Variants in SLC15A2 observed in about 807,000 individuals in gnomAD.
SLC15A2 encodes solute carrier family 15 member 2.
A neutral mutation model predicts 95.5 loss-of-function variants in SLC15A2; 77 were observed. The ratio of observed to expected loss-of-function variants is 0.81; its 90% CI spans 0.67 to 0.97. The LOEUF (loss-of-function observed/expected upper bound fraction) is 0.97, where lower values mean the gene tolerates loss of function less well. Ranked by LOEUF, SLC15A2 falls within the 50% of genes least tolerant of loss-of-function variation. The pLI is 0.00. For synonymous variants in SLC15A2, 306 were observed against 306.9 expected (o/e 1.00, Z 0.03); for missense variants, 893 against 874.4 (o/e 1.02, Z -0.27).
chr3:121,907,748 T>G (rs1709682420), intron 3 of SLC15A2, among the ~76,000 whole-genome samples: 1 of 152,168 alleles, frequency 6.6e-6, no homozygotes. Flanking sequence ...TCTGGAAACT[T>G]CGTCCCAGAG....
intron 13 of SLC15A2, among the ~76,000 whole-genome samples, chr3:121,926,430 G>A (rs1710123360): frequency 6.6e-6 from 1 of 152,132 alleles, no homozygotes; most frequent in South Asian, 2.1e-4. Flanking sequence ...TTCACCATGT[G>A]ACATGTCTGT....
chr3:121,895,610 G>A (rs1005522996), intron 1 of SLC15A2, among the ~76,000 whole-genome samples: 1 of 152,132 alleles, frequency 6.6e-6, no homozygotes, highest in African/African-American at 2.4e-5. Context: ...TACAAGATTT[G>A]ACTGTACTGA....
rs1710043664 is a variant in SLC15A2 at position 121,923,203 on chromosome 3, C to G, written c.958-19C>G. Reference sequence around the variant, plus strand: ...CTCACAGGAAAGGGATTTCTCATAACAGGATCTGTTTGCCCTAGGGTTCAC... The same window carrying G: ...CTCACAGGAAAGGGATTTCTCATAAGAGGATCTGTTTGCCCTAGGGTTCAC... On this transcript the variant is annotated intron_variant, in intron 10 of 21. Coordinates refer to ENST00000489711, the MANE Select transcript of SLC15A2 (RefSeq NM_021082.4). The G allele has an allele frequency of 6.2e-7, 1 of 1,613,834 alleles. No individual in the cohort carries two copies. Among genetic ancestry groups the G allele is most frequent in the Non-Finnish European group, 8.5e-7 (1 of 1,179,844 alleles).
chr3:121,902,804 G>A (rs547876767), intron 3 of SLC15A2, among the ~76,000 whole-genome samples: 5 of 152,324 alleles, frequency 3.3e-5, no homozygotes, highest in East Asian at 3.9e-4. Flanking sequence ...ATTGTGAATA[G>A]TGCTGCAGTA....
intron 3 of SLC15A2, among the ~76,000 whole-genome samples, chr3:121,899,691 T>C (rs760381318): frequency 6.6e-6 from 1 of 152,200 alleles, no homozygotes; most frequent in Non-Finnish European, 1.5e-5. Flanking sequence ...GAGCACCTTC[T>C]GTTTGTCCAA....
intron 13 of SLC15A2, among the ~76,000 whole-genome samples, chr3:121,926,590 C>T (rs575580887): frequency 3.9e-5 from 6 of 152,296 alleles, no homozygotes; most frequent in South Asian, 4.1e-4. Context: ...ATGCAGAAAC[C>T]GGCTGCAGGG....
chr3:121,904,109 G>A (rs192038913), intron 3 of SLC15A2, among the ~76,000 whole-genome samples: 2 of 152,190 alleles, frequency 1.3e-5, no homozygotes, highest in Admixed American at 1.3e-4. Flanking sequence ...TCTCTTTGTA[G>A]CAATTGTGGA....
At chr3:121,901,602 G>C (rs2178415) in intron 3 of SLC15A2, among the ~76,000 whole-genome samples, 2 of 151,774 alleles carry the variant, frequency 1.3e-5, no homozygotes, top group East Asian at 1.9e-4. Flanking sequence ...GTGTGTGTGC[G>C]TGTGCATGTG....
intron 6 of SLC15A2, 98 bp from the exon 7 acceptor site, chr3:121,915,518 A>T: frequency 1.0e-6 from 1 of 965,410 alleles, no homozygotes; most frequent in Non-Finnish European, 1.7e-6. Flanking sequence ...TGTCTATTCT[A>T]CAAGCTCAGG....
At chr3:121,907,201 A>G (rs1233679372) in intron 3 of SLC15A2, among the ~76,000 whole-genome samples, 5 of 152,152 alleles carry the variant, frequency 3.3e-5, no homozygotes, top group Non-Finnish European at 1.5e-5. Context: ...CAGCTCCATC[A>G]GGTCATTTAA....
Position 121,928,544 on chromosome 3 carries a change from A to G in SLC15A2, c.1330A>G (p.Lys444Glu). 6.2e-7 allele frequency: 1 copy of G among 1,614,096 alleles called. No individual in the cohort carries two copies. The highest frequency in any genetic ancestry group is 1.1e-5 in the South Asian group (1 of 91,074). ...CAATTCTCTGTTGATAGAGTCCATCAAATCCTTTCAGGTGAGGTGTGTACC... is the reference window on the plus strand; with the variant it reads ...CAATTCTCTGTTGATAGAGTCCATCGAATCCTTTCAGGTGAGGTGTGTACC... ...ENNSLLIESI[K>E]SFQKTPHYSK... Residue 444 changes from lysine (K) to glutamate (E), a missense_variant, in exon 15 of 22, where the codon AAA becomes GAA. Coordinates refer to ENST00000489711, the MANE Select transcript of SLC15A2 (RefSeq NM_021082.4).
In SLC15A2 at chr3:121,907,240, A is replaced by G. The variant is rs530319618; in HGVS notation, c.336-4334A>G. 2.6e-5 allele frequency among the ~76,000 whole-genome samples: 4 copies of G among 152,274 alleles called. No homozygotes were observed. In the East Asian group the frequency reaches 7.7e-4, roughly 29 times the overall value. ...CTTCTCTGCAGTGTTTATTCTAGTT[A>G]GCCATTCATCTAATCTTTTTTCAAG... On this transcript the variant is annotated intron_variant, in intron 3 of 21. Coordinates refer to ENST00000489711, the MANE Select transcript of SLC15A2 (RefSeq NM_021082.4).
intron 3 of SLC15A2, among the ~76,000 whole-genome samples, chr3:121,909,513 A>T (rs9289182): frequency 0.42 from 63,872 of 151,990 alleles, 13,899 homozygotes; most frequent in East Asian, 0.69. Flanking sequence ...CAAATGCAGA[A>T]TTTTCAGGTC....
Position 121,928,451 on chromosome 3 carries a change from G to C in SLC15A2, c.1237G>C (p.Glu413Gln), listed in dbSNP as rs745366911. The part of the protein sequence containing the change: ...EMAPAQPGPQ[E>Q]VFLQVLNLAD... Reference sequence around the variant, plus strand: ...GGCCCCAGCCCAGCCAGGTCCCCAGGAGGTTTTCCTACAAGTCTTGAATCT... The same window carrying C: ...GGCCCCAGCCCAGCCAGGTCCCCAGCAGGTTTTCCTACAAGTCTTGAATCT... The change falls in exon 15 of 22, where the codon GAG becomes CAG. Residue 413 changes from glutamate to glutamine, a missense_variant. Coordinates refer to ENST00000489711, the MANE Select transcript of SLC15A2 (RefSeq NM_021082.4). 2.5e-6 allele frequency: 4 copies of C among 1,614,088 alleles called. No individual in the cohort carries two copies. The South Asian group carries it at 3.3e-5, about 13-fold the overall frequency.
chr3:121,900,752 C>T (rs1236042374), intron 3 of SLC15A2, among the ~76,000 whole-genome samples: 5 of 152,050 alleles, frequency 3.3e-5, no homozygotes, highest in Admixed American at 1.3e-4. Context: ...ACCACCTATG[C>T]TATGGAGTAT....
intron 18 of SLC15A2, 106 bp from the exon 19 acceptor site, chr3:121,931,533 C>T (rs1208289604): frequency 7.8e-6 from 5 of 642,392 alleles, no homozygotes; most frequent in Non-Finnish European, 1.4e-5. Flanking sequence ...AGTGGCTTCA[C>T]TGCTTTCCTC....
At position 121,944,011 on chromosome 3, in the gene SLC15A2, A is replaced by T. The variant is rs1217391993; in HGVS notation, c.*3004A>T. On this transcript the variant is annotated 3_prime_UTR_variant, in exon 22 of 22. Transcript: ENST00000489711. The stretch of plus-strand genomic sequence containing the variant: ...ATATCTGTTATGTATCAATTTTTTA[A>T]AAAGTGAATGACATAATTCATTTGA... 1.3e-5 allele frequency: 2 copies of T among 152,192 alleles called. No homozygotes were observed. The highest frequency in any genetic ancestry group is 2.9e-5 in the Non-Finnish European group (2 of 68,004). 9.4% of individuals were successfully genotyped at this position (152,192 alleles called of 1,614,324 possible).
chr3:121,942,682 G>T lies in SLC15A2; in HGVS notation c.*1675G>T, dbSNP rs150509976. On this transcript the variant is annotated 3_prime_UTR_variant, in exon 22 of 22. Coordinates refer to ENST00000489711, the MANE Select transcript of SLC15A2 (RefSeq NM_021082.4). ...TTTTTAAATAGCTTTAACCCAAACT[G>T]TTCTATGACCATTGTTTCAAGAGAC... 8.3e-3 allele frequency: 1,256 copies of T among 152,234 alleles called. 19 individuals are homozygous for T. Among genetic ancestry groups the T allele is most frequent in the African/African-American group, 0.029 (1,190 of 41,546 alleles). The allele number at this position is 152,234 out of a possible 1,614,324, so 9.4% of individuals were successfully genotyped here.
Position 121,923,248 on chromosome 3 carries a change from C to T in SLC15A2, c.984C>T (p.Ile328=). Residue 328 remains isoleucine (I), a synonymous_variant, in exon 11 of 22, where the codon ATC becomes ATT. Coordinates refer to ENST00000489711, the MANE Select transcript of SLC15A2 (RefSeq NM_021082.4). ...GTTCACGATGGACTTTGCAAGCCAT[C>T]AGGATGAATAGGAATTTGGTGAGTA... ...QQGSRWTLQA[I]RMNRNLGFFV... is the part of the protein sequence containing the mutation. 1.2e-6 allele frequency: 2 copies of T among 1,613,896 alleles called. No homozygotes were observed. The highest frequency in any genetic ancestry group is 1.7e-6 in the Non-Finnish European group (2 of 1,179,840).
Sources: allele counts gnomAD v4.1 joint callset (sites outside exome capture counted in the v4.1 genomes callset), GRCh38; gene constraint gnomAD v4.1.1; transcripts MANE v1.5; gene names NCBI Gene and HGNC (gene_info 2026-07-23, HGNC 2026-07-21).